Variants in NDUFS7 observed in about 807,000 individuals in gnomAD.
NDUFS7 encodes the protein NADH dehydrogenase [ubiquinone] iron-sulfur protein 7, mitochondrial.
A neutral mutation model predicts 31.1 loss-of-function variants in NDUFS7; 11 were observed. That is an observed-to-expected ratio of 0.35 (90% CI 0.22 to 0.59). The LOEUF is 0.59. Among genes scored for constraint, NDUFS7 ranks in the 20% least tolerant of loss-of-function variants. The pLI, the probability that NDUFS7 is intolerant of heterozygous loss-of-function variation, is 0.79. For synonymous variants in NDUFS7, 136 were observed against 127.9 expected (o/e 1.06, Z -0.43); for missense variants, 263 against 324.2 (o/e 0.81, Z 1.45).
chr19:1,387,911 C>CCGG, intron 2 of NDUFS7, 64 bp downstream of exon 2: 1 of 128,812 alleles, frequency 7.8e-6, no homozygotes. Context: ...ACGAACGGGG[C>CCGG]GGGGGGGGTG....
Position 1,393,086 on chromosome 19 carries a change from C to G in NDUFS7, c.456-156C>G, listed in dbSNP as rs1002833682. 6.1e-6 allele frequency: 4 copies of G among 654,888 alleles called. No individual in the cohort carries two copies. In the Admixed American group the frequency reaches 8.6e-5, roughly 14 times the overall value. The allele number at this position is 654,888 out of a possible 1,614,324, so 40.6% of individuals were successfully genotyped here. On this transcript the variant is annotated intron_variant, in intron 6 of 7. Transcript: ENST00000233627. This position sits in a 1 kb window ranked among gnomAD's most constrained non-coding sequence, Gnocchi z 7.3. ...CTGGTCCCACAGAGGCTCTGGGAGCCTGTGCGTGTTTGCTCATTGCTTCTC... is the reference window on the plus strand; with the variant it reads ...CTGGTCCCACAGAGGCTCTGGGAGCGTGTGCGTGTTTGCTCATTGCTTCTC...
chr19:1,392,076 T>C (rs965980468), intron 6 of NDUFS7: 1 of 151,630 alleles, frequency 6.6e-6, no homozygotes, highest in Non-Finnish European at 1.5e-5. Flanking sequence ...CTCGATCTCC[T>C]GATCTCGTGA....
intron 7 of NDUFS7, chr19:1,394,846 C>T (rs2082584950): frequency 2.6e-6 from 3 of 1,154,002 alleles, no homozygotes; most frequent in Non-Finnish European, 3.2e-6. Context: ...TGGGCTTCGT[C>T]CTCTTGCTCA....
rs573159355 is a variant in NDUFS7 at position 1,393,773 on chromosome 19, T to G, written c.544+443T>G. ...AAACGTGGGAGGCTTAGTTTGACTG[T>G]GAGGTTAGGGTGAATTTGACCATCA... On this transcript the variant is annotated intron_variant, in intron 7 of 7. Coordinates refer to ENST00000233627, the MANE Select transcript of NDUFS7 (RefSeq NM_024407.5). This position sits in a 1 kb window ranked among gnomAD's most constrained non-coding sequence, Gnocchi z 7.3. The G allele has an allele frequency of 2.2e-6, 1 of 457,182 alleles. No homozygotes were observed. Among genetic ancestry groups the G allele is most frequent in the Admixed American group, 3.6e-5 (1 of 28,016 alleles). 28.3% of individuals were successfully genotyped at this position (457,182 alleles called of 1,614,324 possible).
rs1366024141 is a variant in NDUFS7 at position 1,394,304 on chromosome 19, C to T, written c.544+974C>T. 7 of 1,238,904 alleles carry T rather than the reference C, an allele frequency of 5.7e-6. No individual in the cohort carries two copies. In the African/African-American group the frequency reaches 1.1e-4, roughly 19 times the overall value. The allele number at this position is 1,238,904 out of a possible 1,614,324, so 76.7% of individuals were successfully genotyped here. A position where few individuals can be genotyped will look rare whatever the true frequency, so the allele number is the denominator to read the frequency against. Reference sequence around the variant, plus strand: ...TGGGCCTCCCTGTGACTTGACAGCACAGAGAGGTCCATCCTGGGGTCAGGA... The same window carrying T: ...TGGGCCTCCCTGTGACTTGACAGCATAGAGAGGTCCATCCTGGGGTCAGGA... On this transcript the variant is annotated intron_variant, in intron 7 of 7. Coordinates refer to ENST00000233627, the MANE Select transcript of NDUFS7 (RefSeq NM_024407.5).
rs1049694585 is a variant in NDUFS7 at position 1,389,702 on chromosome 19, C to T, written c.228+764C>T. ...CGCAGCCCCTGCCATCCCCCTGCAG[C>T]GTGAGCACGTGCAGCTCCCTCCAGC... On this transcript the variant is annotated intron_variant, in intron 4 of 7. Transcript: ENST00000233627. 2.5e-5 allele frequency: 9 copies of T among 356,880 alleles called. 1 individual carries two copies. The highest frequency in any genetic ancestry group is 4.5e-5 in the Non-Finnish European group (8 of 178,366). 22.1% of individuals were successfully genotyped at this position (356,880 alleles called of 1,614,324 possible). A position where few individuals can be genotyped will look rare whatever the true frequency, so the allele number is the denominator to read the frequency against.
rs375284090 is a variant in NDUFS7, at chr19:1,395,453, C to T, written c.607C>T (p.Arg203Trp). ...GILQLQRKIK[R>W]ERRLQIWYRR Reference sequence around the variant, plus strand: ...CCTGCAGCTGCAGAGGAAGATCAAGCGGGAGCGGAGGCTGCAGATCTGGTA... The same window carrying T: ...CCTGCAGCTGCAGAGGAAGATCAAGTGGGAGCGGAGGCTGCAGATCTGGTA... Residue 203 changes from arginine (R) to tryptophan (W), a missense_variant, in exon 8 of 8, where the codon CGG becomes TGG. By Grantham distance (101) the Arg-to-Trp change is moderately radical (BLOSUM62 -3). Transcript: ENST00000233627. 6.3e-6 allele frequency: 10 copies of T among 1,598,610 alleles called. No individual in the cohort carries two copies. The highest frequency in any genetic ancestry group is 7.7e-6 in the Non-Finnish European group (9 of 1,174,628).
chr19:1,394,623 C>A, intron 7 of NDUFS7: 1 of 1,217,734 alleles, frequency 8.2e-7, no homozygotes. Context: ...TCCCTCCCAG[C>A]GGACCGCGCT....
chr19:1,387,265 C>T (rs1016358393), intron 1 of NDUFS7: 2 of 177,892 alleles, frequency 1.1e-5, no homozygotes, highest in South Asian at 1.2e-4. Flanking sequence ...GAGGCCAGGA[C>T]GAGCACTGGG....
intron 3 of NDUFS7, 38 bp downstream of exon 3, chr19:1,388,631 C>A (rs778771182): frequency 1.3e-6 from 2 of 1,583,984 alleles, no homozygotes; most frequent in Non-Finnish European, 8.6e-7. Context: ...TACCCCCTCG[C>A]CCCACCCCCA....
intron 7 of NDUFS7, chr19:1,394,302 C>G: frequency 4.1e-6 from 5 of 1,232,198 alleles, no homozygotes; most frequent in Non-Finnish European, 5.3e-6. Context: ...GACTTGACAG[C>G]ACAGAGAGGT....
In NDUFS7 at chr19:1,388,935, CCGGGTGAGTA is replaced by C; in HGVS notation, c.227_228+8del. The C allele has an allele frequency of 6.2e-7, 1 of 1,604,024 alleles. No individual in the cohort carries two copies. Among genetic ancestry groups the C allele is most frequent in the Non-Finnish European group, 8.5e-7 (1 of 1,175,604 alleles). ...TGGATGACCTCGTCAACTGGGCCCG[CCGGGTGAGTA>C]CTATGAGCTGTAGGCCCTCCTCGAG... On this transcript the variant is annotated splice_donor_variant and splice_donor_5th_base_variant and coding_sequence_variant and intron_variant, in exon 4 of 8. Coordinates refer to ENST00000233627, the MANE Select transcript of NDUFS7 (RefSeq NM_024407.5). LOFTEE classifies it high-confidence loss of function.
At chr19:1,389,047 G>T in intron 4 of NDUFS7, 109 bp downstream of exon 4, 1 of 900,172 alleles carries the variant, frequency 1.1e-6, no homozygotes, top group Non-Finnish European at 1.8e-6. Context: ...CACAACACAT[G>T]CATGCACACT....
chr19:1,383,948 C>T lies in NDUFS7; in HGVS notation c.16+6C>T, dbSNP rs776735273. 1.4e-5 allele frequency: 22 copies of T among 1,573,102 alleles called. No individual in the cohort carries two copies. Among genetic ancestry groups the T allele is most frequent in the Admixed American group, 1.9e-5 (1 of 53,960 alleles). On this transcript the variant is annotated splice_donor_region_variant and intron_variant, in intron 1 of 7. Transcript: ENST00000233627. ...CAAGATGGCGGTGCTGTCAGGTGAGCGCGGCACCGGCGGCGGGTGTGGGGC... is the reference window on the plus strand; with the variant it reads ...CAAGATGGCGGTGCTGTCAGGTGAGTGCGGCACCGGCGGCGGGTGTGGGGC...
At chr19:1,385,035 C>T (rs1321532051) in intron 1 of NDUFS7, among the ~76,000 whole-genome samples, 2 of 152,044 alleles carry the variant, frequency 1.3e-5, no homozygotes, top group African/African-American at 4.8e-5. Context: ...AGGCTGGTCT[C>T]GAACTTCTGA....
At chr19:1,392,981 C>T (rs1267305318) in intron 6 of NDUFS7, 14 of 569,052 alleles carry the variant, frequency 2.5e-5, no homozygotes, top group East Asian at 5.9e-5. Context: ...ATCCCAGCCC[C>T]GGGAATCGGT....
chr19:1,394,720 G>A, intron 7 of NDUFS7: 1 of 1,198,632 alleles, frequency 8.3e-7, no homozygotes, highest in Admixed American at 3.4e-5. Context: ...CCCTCCCTTG[G>A]AGCAGCCTGG....
At chr19:1,391,946 T>G (rs1022040847) in intron 6 of NDUFS7, 2 of 151,956 alleles carry the variant, frequency 1.3e-5, no homozygotes, top group Non-Finnish European at 2.9e-5. Flanking sequence ...CCTCCCAGGT[T>G]CAAGCGATTC....
At chr19:1,392,861 CAG>C (rs2082566627) in intron 6 of NDUFS7, 2 of 322,434 alleles carry the variant, frequency 6.2e-6, no homozygotes, top group South Asian at 3.0e-5. Context: ...GCCTCACTGA[CAG>C]AGCCGGAATC....
Sources: allele counts gnomAD v4.1 joint callset (sites outside exome capture counted in the v4.1 genomes callset), GRCh38; gene constraint gnomAD v4.1.1; non-coding constraint Gnocchi (gnomAD v3.1); transcripts MANE v1.5; gene names NCBI Gene and HGNC (gene_info 2026-07-23, HGNC 2026-07-21).